Variants in NUDT8 observed in about 807,000 individuals in gnomAD.
The protein encoded by NUDT8 is mitochondrial coenzyme A diphosphatase NUDT8.
In NUDT8, 14 loss-of-function variants were observed where a neutral mutation model predicts 12.5. The observed-to-expected ratio is 1.12, with a 90% CI of 0.74 to 1.75. The LOEUF is 1.75. Ranked by LOEUF, NUDT8 falls within the 40% of genes most tolerant of loss-of-function variation. The pLI, the probability that NUDT8 is intolerant of heterozygous loss-of-function variation, is 0.00. For missense variants in NUDT8, 337 were observed against 318.5 expected, an observed-to-expected ratio of 1.06 and a Z score of -0.44; for synonymous variants, 163 against 156.2, an observed-to-expected ratio of 1.04 and a Z score of -0.33.
chr11:67,628,274 G>A, intron 3 of NUDT8, 23 bp from the exon 4 acceptor site: 15 of 1,613,544 alleles, frequency 9.3e-6, no homozygotes, highest in Non-Finnish European at 1.3e-5. Flanking sequence ...GGCAGAGAGG[G>A]TAGACAGAGG....
At chr11:67,629,150 G>T in intron 1 of NUDT8, 99 bp from the exon 2 acceptor site, 1 of 1,270,618 alleles carries the variant, frequency 7.9e-7, no homozygotes, top group Non-Finnish European at 1.1e-6. Flanking sequence ...CCGAAGTGTC[G>T]CCTGCCTCTG....
chr11:67,629,170 T>C, intron 1 of NUDT8, 119 bp from the exon 2 acceptor site: 1 of 1,112,514 alleles, frequency 9.0e-7, no homozygotes, highest in South Asian at 1.6e-5. Context: ...GCCCCTAGTT[T>C]ACTGGGAGGC....
In NUDT8 at chr11:67,628,248, C is replaced by T; in HGVS notation, c.409G>A (p.Asp137Asn). The T allele has an allele frequency of 1.9e-6, 3 of 1,613,052 alleles. No homozygotes were observed. The highest frequency in any genetic ancestry group is 3.3e-4 in the Middle Eastern group (2 of 6,054). ...QSLRPNSEEV[D>N]EVFALPLAHL... ...GCCAGCGGCAGTGCAAACACCTCAT[C>T]TACCTGCAGGCAGGAGGCAGAGAGG... Residue 137 changes from aspartate (D) to asparagine (N), a missense_variant, in exon 4 of 4, where the codon GAT becomes AAT. Physicochemically the swap from Asp to Asn is conservative, Grantham distance 23. Transcript: ENST00000376693.
intron 2 of NUDT8, among the ~76,000 whole-genome samples, 189 bp from the exon 3 acceptor site, chr11:67,628,589 T>G (rs548833131): frequency 6.6e-6 from 1 of 152,282 alleles, no homozygotes; most frequent in South Asian, 2.1e-4. Flanking sequence ...ACCTGTTCCC[T>G]CTGCTTAGGA....
Position 67,628,091 on chromosome 11 carries a change from G to A in NUDT8, c.566C>T (p.Ala189Val). The change falls in exon 4 of 4, where the codon GCC becomes GTC. Residue 189 changes from alanine to valine, a missense_variant. Physicochemically the swap from Ala to Val is moderately conservative, Grantham distance 64. Coordinates refer to ENST00000376693, the MANE Select transcript of NUDT8 (RefSeq NM_001243750.2). ...GGTACCAGGTGCCAGCAGCTGCAGG[G>A]CAAACTCAGTGATGACAGCTGTGAG... is the stretch of plus-strand genomic sequence containing the variant. Reference protein sequence around the residue: ...WGLTAVITEFALQLLAPGTYQ... With the variant: ...WGLTAVITEFVLQLLAPGTYQ... The A allele has an allele frequency of 6.3e-7, 1 of 1,598,520 alleles. No homozygotes were observed. Among genetic ancestry groups the A allele is most frequent in the South Asian group, 1.1e-5 (1 of 91,088 alleles).
chr11:67,627,968 G>A lies in NUDT8; in HGVS notation c.689C>T (p.Pro230Leu). 6.3e-7 allele frequency: 1 copy of A among 1,593,580 alleles called. No homozygotes were observed. Among genetic ancestry groups the A allele is most frequent in the Non-Finnish European group, 8.5e-7 (1 of 1,176,788 alleles). Residue 230 changes from proline to leucine, a missense_variant, in exon 4 of 4, where the codon CCA becomes CTA. Physicochemically the swap from Pro to Leu is moderately conservative, Grantham distance 98. Transcript: ENST00000376693. ...LASPCQASST[P>L]GLNKGL The stretch of plus-strand genomic sequence containing the variant: ...CTGTCAAAGACCTTTATTCAGTCCT[G>A]GAGTGGAGCTGGCCTGACAGGGTGA...
At position 67,628,230 on chromosome 11, in the gene NUDT8, G is replaced by C; in HGVS notation, c.427C>G (p.Pro143Ala). 6.2e-7 allele frequency: 1 copy of C among 1,613,016 alleles called. No individual in the cohort carries two copies. Among genetic ancestry groups the C allele is most frequent in the South Asian group, 1.1e-5 (1 of 91,082 alleles). ...TGCGTCTGCAGCAGGTGGGCCAGCG[G>C]CAGTGCAAACACCTCATCTACCTGC... ...SEEVDEVFAL[P>A]LAHLLQTQNQ... is the part of the protein sequence containing the mutation. Residue 143 changes from proline (P) to alanine (A), a missense_variant, in exon 4 of 4, where the codon CCG (proline) becomes GCG (alanine). Transcript: ENST00000376693.
chr11:67,629,002 C>G lies in NUDT8; in HGVS notation c.244G>C (p.Ala82Pro). ...DPADQDVVHT[A>P]LRETREELGL... ...AGCTCCTCCCGGGTTTCCCGCAGGG[C>G]CGTGTGCACCACATCTTGGTCAGCC... is the stretch of plus-strand genomic sequence containing the variant. The change falls in exon 2 of 4, where the codon GCC becomes CCC. Residue 82 changes from alanine (A) to proline (P), a missense_variant. Ala to Pro is a conservative substitution (Grantham distance 27, BLOSUM62 -1). Transcript: ENST00000376693. 6.2e-7 allele frequency: 1 copy of G among 1,613,048 alleles called. No homozygotes were observed. The highest frequency in any genetic ancestry group is 2.2e-5 in the East Asian group (1 of 44,878).
At chr11:67,629,202 C>G (rs542391952) in intron 1 of NUDT8, 151 bp from the exon 2 acceptor site, 10 of 745,004 alleles carry the variant, frequency 1.3e-5, no homozygotes, top group East Asian at 5.5e-5. Flanking sequence ...CATGCGACCT[C>G]TGGAGGCCAG....
chr11:67,629,564 C>T (rs926936554), intron 1 of NUDT8, 154 bp downstream of exon 1: 1 of 420,462 alleles, frequency 2.4e-6, no homozygotes, highest in Non-Finnish European at 4.2e-6. Context: ...GCTGACCTCT[C>T]GCTGCAGCCC....
chr11:67,629,718 C>G lies in NUDT8; in HGVS notation c.194G>C (p.Ser65Thr), dbSNP rs1397435860. 1 of 1,516,872 alleles carries G rather than the reference C, an allele frequency of 6.6e-7. No homozygotes were observed. The highest frequency in any genetic ancestry group is 8.8e-7 in the Non-Finnish European group (1 of 1,134,898). 94.0% of individuals were successfully genotyped at this position (1,516,872 alleles called of 1,614,324 possible). A position where few individuals can be genotyped will look rare whatever the true frequency, so the allele number is the denominator to read the frequency against. Residue 65 changes from serine (S) to threonine (T), a missense_variant and splice_region_variant, in exon 1 of 4, where the codon AGT becomes ACT. Ser to Thr is a moderately conservative substitution (Grantham distance 58). Coordinates refer to ENST00000376693, the MANE Select transcript of NUDT8 (RefSeq NM_001243750.2). The stretch of plus-strand genomic sequence containing the variant: ...GGCGAGGAGTTCCCGGCCGCTGTAC[C>G]TGACGTCGCCCTTGTGCCTCCCGGT... ...RLTGRHKGDV[S>T]FPGGKCDPAD...
intron 2 of NUDT8, 130 bp downstream of exon 2, chr11:67,628,789 G>T: frequency 1.6e-6 from 2 of 1,236,288 alleles, no homozygotes; most frequent in Non-Finnish European, 2.3e-6. Flanking sequence ...GACCAGGCAG[G>T]TTAGGGGCAC....
chr11:67,629,394 T>C, intron 1 of NUDT8: 1 of 388,042 alleles, frequency 2.6e-6, no homozygotes, highest in East Asian at 3.9e-5. Context: ...GGCCCGAACC[T>C]CTCCGTAGTC....
In NUDT8 at chr11:67,628,320, C is replaced by T. The variant is rs369755114; in HGVS notation, c.405+3G>A. 5.0e-6 allele frequency: 8 copies of T among 1,613,864 alleles called. No individual in the cohort carries two copies. In the Admixed American group the frequency reaches 6.7e-5, roughly 13 times the overall value. On this transcript the variant is annotated splice_donor_region_variant and intron_variant, in intron 3 of 3. Transcript: ENST00000376693. ...CCCAACCCCCTCATATCCCCCAGCTCACCTCCTCCGAGTTGGGCCTGAGGC... is the reference window on the plus strand; with the variant it reads ...CCCAACCCCCTCATATCCCCCAGCTTACCTCCTCCGAGTTGGGCCTGAGGC...
Position 67,629,830 on chromosome 11 carries a change from G to C in NUDT8, c.82C>G (p.Arg28Gly). 2 of 1,371,502 alleles carry C rather than the reference G, an allele frequency of 1.5e-6. No homozygotes were observed. The highest frequency in any genetic ancestry group is 1.9e-6 in the Non-Finnish European group (2 of 1,063,026). The allele number at this position is 1,371,502 out of a possible 1,614,324, so 85.0% of individuals were successfully genotyped here. A position where few individuals can be genotyped will look rare whatever the true frequency, so the allele number is the denominator to read the frequency against. Reference protein sequence around the residue: ...LAGATARLRARPASAAVLVPL... With the variant: ...LAGATARLRAGPASAAVLVPL... The stretch of plus-strand genomic sequence containing the variant: ...ACGAGCACCGCGGCCGACGCGGGCC[G>C]CGCGCGGAGCCGGGCCGTGGCCCCT... Residue 28 changes from arginine to glycine, a missense_variant, in exon 1 of 4, where the codon CGG becomes GGG. Arg to Gly is a moderately radical substitution (Grantham distance 125). Coordinates refer to ENST00000376693, the MANE Select transcript of NUDT8 (RefSeq NM_001243750.2).
chr11:67,628,324 T>G lies in NUDT8; in HGVS notation c.404A>C (p.Glu135Ala). The G allele has an allele frequency of 6.2e-7, 1 of 1,613,806 alleles. No homozygotes were observed. The highest frequency in any genetic ancestry group is 8.5e-7 in the Non-Finnish European group (1 of 1,179,964). ...ACCCCCTCATATCCCCCAGCTCACC[T>G]CCTCCGAGTTGGGCCTGAGGCTCTG... is the stretch of plus-strand genomic sequence containing the variant. ...DPQSLRPNSEEVDEVFALPLA... is the reference protein window; with the variant it reads ...DPQSLRPNSEAVDEVFALPLA... The change falls in exon 3 of 4, where the codon GAG becomes GCG. Residue 135 changes from glutamate (E) to alanine (A), a missense_variant and splice_region_variant. Transcript: ENST00000376693.
chr11:67,629,200 CT>C, intron 1 of NUDT8, 149 bp from the exon 2 acceptor site: 1 of 745,674 alleles, frequency 1.3e-6, no homozygotes, highest in Non-Finnish European at 2.1e-6. Flanking sequence ...GCCATGCGAC[CT>C]CTGGAGGCCA....
chr11:67,627,960 T>G lies in NUDT8; in HGVS notation c.697A>C (p.Asn233His), dbSNP rs755512861. Reference sequence around the variant, plus strand: ...CTCTAGAGCTGTCAAAGACCTTTATTCAGTCCTGGAGTGGAGCTGGCCTGA... The same window carrying G: ...CTCTAGAGCTGTCAAAGACCTTTATGCAGTCCTGGAGTGGAGCTGGCCTGA... ...PCQASSTPGLNKGL is the reference protein window; with the variant it reads ...PCQASSTPGLHKGL Residue 233 changes from asparagine (N) to histidine (H), a missense_variant, in exon 4 of 4, where the codon AAT becomes CAT. By Grantham distance (68) the Asn-to-His change is moderately conservative (BLOSUM62 1). Transcript: ENST00000376693. 9 of 1,585,806 alleles carry G rather than the reference T, an allele frequency of 5.7e-6. No homozygotes were observed. Among genetic ancestry groups the G allele is most frequent in the African/African-American group, 1.3e-5 (1 of 74,644 alleles).
chr11:67,628,246 A>C lies in NUDT8; in HGVS notation c.411T>G (p.Asp137Glu), dbSNP rs1313820284. The change falls in exon 4 of 4, where the codon GAT becomes GAG. Residue 137 changes from aspartate (D) to glutamate (E), a missense_variant. Coordinates refer to ENST00000376693, the MANE Select transcript of NUDT8 (RefSeq NM_001243750.2). ...GGGCCAGCGGCAGTGCAAACACCTC[A>C]TCTACCTGCAGGCAGGAGGCAGAGA... ...QSLRPNSEEVDEVFALPLAHL... is the reference protein window; with the variant it reads ...QSLRPNSEEVEEVFALPLAHL... The C allele has an allele frequency of 1.2e-6, 2 of 1,612,916 alleles. No individual in the cohort carries two copies. The highest frequency in any genetic ancestry group is 1.7e-6 in the Non-Finnish European group (2 of 1,179,542).
Sources: allele counts gnomAD v4.1 joint callset (sites outside exome capture counted in the v4.1 genomes callset), GRCh38; gene constraint gnomAD v4.1.1; transcripts MANE v1.5; gene names NCBI Gene and HGNC (gene_info 2026-07-23, HGNC 2026-07-21).